Variants in SYNE1 observed in about 807,000 individuals in gnomAD.
The protein encoded by SYNE1 is spectrin repeat containing nuclear envelope protein 1, also known as nesprin-1.
A neutral mutation model predicts 1,111.0 loss-of-function variants in SYNE1; 616 were observed. The observed-to-expected ratio is 0.55, with a 90% CI of 0.52 to 0.59. The LOEUF (loss-of-function observed/expected upper bound fraction) is 0.59. Among genes scored for constraint, SYNE1 ranks in the 20% least tolerant of loss-of-function variants. The pLI is 0.00. For synonymous variants in SYNE1, 3,855 were observed against 3,825.8 expected, an observed-to-expected ratio of 1.01 and a Z score of -0.28; for missense variants, 10,006 against 10,417.0, an observed-to-expected ratio of 0.96 and a Z score of 1.72.
At chr6:152,540,049 T>A (rs764015448) in intron 3 of SYNE1, 28 bp from the exon 4 acceptor site, 8 of 1,603,078 alleles carry the variant, frequency 5.0e-6, no homozygotes, top group Non-Finnish European at 6.8e-6. Context: ...TCTGGTTAAA[T>A]AATGTAATAT....
chr6:152,400,441 A>G (rs1434402373), intron 47 of SYNE1, among the ~76,000 whole-genome samples: 1 of 152,124 alleles, frequency 6.6e-6, no homozygotes, highest in Non-Finnish European at 1.5e-5. Flanking sequence ...AGGCCAGTGG[A>G]TCATTTGAGG....
At chr6:152,187,420 G>T (rs2070487843) in intron 128 of SYNE1, among the ~76,000 whole-genome samples, 1 of 152,098 alleles carries the variant, frequency 6.6e-6, no homozygotes, top group South Asian at 2.1e-4. Context: ...TCAGAGAAAG[G>T]GTGGAGGATG....
intron 46 of SYNE1, chr6:152,402,566 AG>A (rs772577019): frequency 2.0e-5 from 3 of 152,214 alleles, no homozygotes; most frequent in Non-Finnish European, 2.9e-5. Context: ...TGTCACTTTT[AG>A]GATTCTTTGG....
Position 152,232,127 on chromosome 6 carries a change from G to C in SYNE1, c.20851C>G (p.Gln6951Glu), listed in dbSNP as rs2153517122. ...IGYKAIHEYL[Q>E]KYKGFKIDIN... ...AAAATTTTAATTACCTTATATTTCT[G>C]AAGGTATTCATGAATTGCCTTGTAA... Residue 6951 changes from glutamine (Q) to glutamate (E), a missense_variant, in exon 113 of 146, where the codon CAG becomes GAG. Coordinates refer to ENST00000367255, the MANE Select transcript of SYNE1 (RefSeq NM_182961.4). 2.5e-6 allele frequency: 4 copies of C among 1,572,226 alleles called. No individual in the cohort carries two copies. The highest frequency in any genetic ancestry group is 3.5e-6 in the Non-Finnish European group (4 of 1,142,804).
chr6:152,183,389 G>A (rs1293311549), intron 128 of SYNE1, among the ~76,000 whole-genome samples: 1 of 152,012 alleles, frequency 6.6e-6, no homozygotes, highest in Non-Finnish European at 1.5e-5. Flanking sequence ...GGCCGAGGTG[G>A]GCAGAGTTCA....
At chr6:152,603,553 G>T (rs1395088353) in intron 3 of SYNE1, among the ~76,000 whole-genome samples, 2 of 151,914 alleles carry the variant, frequency 1.3e-5, no homozygotes, top group African/African-American at 4.8e-5. Context: ...CTGTTTCTGG[G>T]TTAGGTAGTT....
rs190266968 is a variant in SYNE1, at chr6:152,265,064, A to T, written c.18816-2876T>A. 2.0e-3 allele frequency among the ~76,000 whole-genome samples: 309 copies of T among 151,786 alleles called. 1 individual carries two copies. Among genetic ancestry groups the T allele is most frequent in the African/African-American group, 7.3e-3 (303 of 41,372 alleles). On this transcript the variant is annotated intron_variant, in intron 100 of 145. Transcript: ENST00000367255. ...TCTCTACTGAAAACACAATTAGCCA[A>T]GCATAGTGGTGGGCACCTGTAATCC...
chr6:152,185,822 T>C (rs55842704), intron 128 of SYNE1, among the ~76,000 whole-genome samples: 5,962 of 152,342 alleles, frequency 0.039, 151 homozygotes, highest in Middle Eastern at 0.099. Context: ...TTACAACATA[T>C]GAATGACTAC....
intron 131 of SYNE1, among the ~76,000 whole-genome samples, chr6:152,159,366 G>A (rs770262669): frequency 6.6e-6 from 1 of 152,154 alleles, no homozygotes; most frequent in East Asian, 1.9e-4. Flanking sequence ...GATCACATGG[G>A]AATGTAGTGA....
At chr6:152,535,077 A>G (rs2154362487) in intron 4 of SYNE1, among the ~76,000 whole-genome samples, 1 of 152,342 alleles carries the variant, frequency 6.6e-6, no homozygotes, top group Admixed American at 6.5e-5. Context: ...TTAGAGAGGT[A>G]ATCAAGTTAA....
chr6:152,495,366 C>G (rs375002355), intron 11 of SYNE1, among the ~76,000 whole-genome samples: 1 of 152,206 alleles, frequency 6.6e-6, no homozygotes, highest in South Asian at 2.1e-4. Context: ...TCAATTTAGC[C>G]TCCCGCTCTA....
intron 4 of SYNE1, among the ~76,000 whole-genome samples, chr6:152,537,414 G>C (rs10457879): frequency 6.6e-6 from 1 of 151,448 alleles, no homozygotes; most frequent in Non-Finnish European, 1.5e-5. Flanking sequence ...CTTATAATAA[G>C]ATTTTTGTTT....
At chr6:152,628,581 A>G in intron 2 of SYNE1, 27 bp from the exon 3 acceptor site, 1 of 525,214 alleles carries the variant, frequency 1.9e-6, no homozygotes, top group Non-Finnish European at 3.4e-6. Flanking sequence ...AAAAGGTACA[A>G]CATAAAAAAA....
At position 152,237,970 on chromosome 6, in the gene SYNE1, C is replaced by T. The variant is rs116307268; in HGVS notation, c.20068-1022G>A. On this transcript the variant is annotated intron_variant, in intron 108 of 145. Coordinates refer to ENST00000367255, the MANE Select transcript of SYNE1 (RefSeq NM_182961.4). ...TAGAAACCCATGCTTTTTAAATACA[C>T]TTACCAAATATCTATTGCCTGGTAT... Among the ~76,000 whole-genome samples, 731 of 152,274 alleles carry T rather than the reference C, an allele frequency of 4.8e-3. 8 individuals are homozygous for T. Among genetic ancestry groups the T allele is most frequent in the African/African-American group, 0.017 (713 of 41,546 alleles).
chr6:152,626,746 G>T (rs2099686601), intron 3 of SYNE1, among the ~76,000 whole-genome samples: 1 of 152,208 alleles, frequency 6.6e-6, no homozygotes, highest in African/African-American at 2.4e-5. Flanking sequence ...CGAGTGGGGG[G>T]TCACTTGAAC....
chr6:152,266,008 T>C (rs749510497), intron 100 of SYNE1, among the ~76,000 whole-genome samples: 1 of 152,108 alleles, frequency 6.6e-6, no homozygotes, highest in Non-Finnish European at 1.5e-5. Flanking sequence ...CATTAATTCA[T>C]GGTTAATTGT....
chr6:152,236,681 C>G, intron 109 of SYNE1, 136 bp downstream of exon 109: 1 of 1,130,200 alleles, frequency 8.8e-7, no homozygotes, highest in South Asian at 1.3e-5. Flanking sequence ...ATAACAGAAA[C>G]ATTATCTCCT....
At chr6:152,559,256 C>T (rs1328900919) in intron 3 of SYNE1, among the ~76,000 whole-genome samples, 1 of 151,558 alleles carries the variant, frequency 6.6e-6, no homozygotes, top group Non-Finnish European at 1.5e-5. Context: ...TGCCACAATG[C>T]CCAGCTAATG....
At chr6:152,624,302 T>C (rs2099681746) in intron 3 of SYNE1, among the ~76,000 whole-genome samples, 1 of 152,206 alleles carries the variant, frequency 6.6e-6, no homozygotes, top group Admixed American at 6.5e-5. Flanking sequence ...CCAACACTGA[T>C]ATGTTCATTT....
Sources: allele counts gnomAD v4.1 joint callset (sites outside exome capture counted in the v4.1 genomes callset), GRCh38; gene constraint gnomAD v4.1.1; transcripts MANE v1.5; gene names NCBI Gene and HGNC (gene_info 2026-07-23, HGNC 2026-07-21).